CENPW: variants seen among roughly 807,000 people sequenced by gnomAD.
CENPW encodes cancer-up-regulated gene 2 protein.
CENPW carries 3 observed loss-of-function variants against 11.1 expected under a neutral mutation model. That is an observed-to-expected ratio of 0.27 (90% CI 0.12 to 0.70). The LOEUF is 0.70. CENPW is among the 30% of genes least tolerant of loss of function. CENPW has a pLI of 0.77. For missense variants in CENPW, 100 were observed against 105.6 expected, an observed-to-expected ratio of 0.95 and a Z score of 0.23; for synonymous variants, 38 against 42.0, an observed-to-expected ratio of 0.91 and a Z score of 0.37.
At chr6:126,438,803 T>C in the CENPW span, among the ~76,000 whole-genome samples, 1 of 151,820 alleles carries the variant, frequency 6.6e-6, no homozygotes, top group Non-Finnish European at 1.5e-5. Flanking sequence ...TAAAGATTCA[T>C]TGAAAATATT....
chr6:126,430,304 AC>A, the CENPW span, among the ~76,000 whole-genome samples: 5 of 152,178 alleles, frequency 3.3e-5, no homozygotes, highest in Admixed American at 6.5e-5. Flanking sequence ...TGGCTTTATA[AC>A]TCTCTTAAGT....
At chr6:126,412,657 C>T in the CENPW span, among the ~76,000 whole-genome samples, 6 of 152,144 alleles carry the variant, frequency 3.9e-5, no homozygotes, top group Admixed American at 3.9e-4. Flanking sequence ...TTTCTCTCCT[C>T]TCCTTCTGGT....
At chr6:126,428,512 C>G in the CENPW span, among the ~76,000 whole-genome samples, 1 of 152,114 alleles carries the variant, frequency 6.6e-6, no homozygotes, top group African/African-American at 2.4e-5. Context: ...GGTAACTTTG[C>G]ATAAAAGAGA....
the CENPW span, among the ~76,000 whole-genome samples, chr6:126,462,751 C>A: frequency 2.6e-5 from 4 of 151,904 alleles, no homozygotes; most frequent in Non-Finnish European, 5.9e-5. Flanking sequence ...GTAATATATA[C>A]AGGCATTGGT....
Position 126,348,403 on chromosome 6 carries a change from T to G in CENPW, c.241-63T>G, listed in dbSNP as rs897623671. ...GCACCCAGGACTATTTAACTTTTTG[T>G]TAAGGAATGATGTTTTATTTTTCAT... On this transcript the variant is annotated intron_variant, in intron 2 of 2. Transcript: ENST00000368328. 3.3e-5 allele frequency: 31 copies of G among 928,362 alleles called. No homozygotes were observed. The African/African-American group carries it at 4.5e-4, about 13-fold the overall frequency. 57.5% of individuals were successfully genotyped at this position (928,362 alleles called of 1,614,324 possible). A position where few individuals can be genotyped will look rare whatever the true frequency, so the allele number is the denominator to read the frequency against.
the CENPW span, among the ~76,000 whole-genome samples, chr6:126,456,001 G>A: frequency 6.0e-5 from 9 of 150,744 alleles, no homozygotes; most frequent in South Asian, 6.2e-4. Flanking sequence ...TATATCTAAC[G>A]AGGGGGGGCA....
chr6:126,465,503 T>A, the CENPW span, among the ~76,000 whole-genome samples: 1 of 152,126 alleles, frequency 6.6e-6, no homozygotes, highest in Non-Finnish European at 1.5e-5. Flanking sequence ...TGGCATTTTT[T>A]CGTGTTTAGA....
At chr6:126,382,464 A>G in the CENPW span, among the ~76,000 whole-genome samples, 2 of 152,170 alleles carry the variant, frequency 1.3e-5, no homozygotes, top group Admixed American at 6.5e-5. Context: ...AATGACAGAA[A>G]TAGAATTCAG....
At chr6:126,367,696 T>C in the CENPW span, among the ~76,000 whole-genome samples, 16 of 152,276 alleles carry the variant, frequency 1.1e-4, no homozygotes, top group Non-Finnish European at 1.9e-4. Flanking sequence ...TTCTTGAAGA[T>C]TATTCTAGTA....
the CENPW span, among the ~76,000 whole-genome samples, chr6:126,474,276 C>T: frequency 3.9e-5 from 6 of 151,936 alleles, no homozygotes; most frequent in African/African-American, 1.4e-4. Flanking sequence ...AGTTCTAGCC[C>T]AAACAGTAAA....
chr6:126,475,225 G>A, the CENPW span, among the ~76,000 whole-genome samples: 1 of 151,878 alleles, frequency 6.6e-6, no homozygotes, highest in Non-Finnish European at 1.5e-5. Context: ...ATTATTACCA[G>A]GGGATTTTAT....
intron 1 of CENPW, among the ~76,000 whole-genome samples, chr6:126,343,322 A>G (rs1357218200): frequency 6.6e-6 from 1 of 152,238 alleles, no homozygotes; most frequent in Admixed American, 6.5e-5. Flanking sequence ...GTTTTATGAC[A>G]TAAATGTAGG....
At chr6:126,433,697 A>G in the CENPW span, among the ~76,000 whole-genome samples, 1 of 152,164 alleles carries the variant, frequency 6.6e-6, no homozygotes. Flanking sequence ...AGTTTAAGAA[A>G]GTGCAATGTA....
the CENPW span, among the ~76,000 whole-genome samples, chr6:126,376,110 C>G: frequency 1.3e-5 from 2 of 152,018 alleles, no homozygotes; most frequent in South Asian, 4.2e-4. Flanking sequence ...TTTGGCTGTG[C>G]CTTATTCATT....
chr6:126,438,506 A>G, the CENPW span, among the ~76,000 whole-genome samples: 62 of 151,722 alleles, frequency 4.1e-4, no homozygotes, highest in Admixed American at 2.5e-3. Context: ...TTGTTTAACA[A>G]TTAGCAGCAG....
the CENPW span, among the ~76,000 whole-genome samples, chr6:126,445,728 C>T: frequency 6.6e-6 from 1 of 150,828 alleles, no homozygotes; most frequent in Non-Finnish European, 1.5e-5. Context: ...TAAAGAAAAA[C>T]ACATTAAAAT....
the CENPW span, among the ~76,000 whole-genome samples, chr6:126,390,980 G>A: frequency 9.9e-5 from 15 of 151,932 alleles, no homozygotes; most frequent in Admixed American, 9.2e-4. Context: ...TTCTTTGGGG[G>A]TATATACCTA....
intron 1 of CENPW, among the ~76,000 whole-genome samples, chr6:126,342,512 C>G (rs780340861): frequency 6.6e-6 from 1 of 152,070 alleles, no homozygotes; most frequent in Non-Finnish European, 1.5e-5. Context: ...TTTTCTGTCT[C>G]CCATTATCTT....
the CENPW span, among the ~76,000 whole-genome samples, chr6:126,388,469 T>C: frequency 2.6e-5 from 4 of 152,122 alleles, no homozygotes; most frequent in African/African-American, 9.6e-5. Context: ...ATATTGTTTT[T>C]GAAGTGGTTC....
Sources: gnomAD v4.1 joint callset for allele counts (sites outside exome capture counted in the v4.1 genomes callset) on GRCh38, gnomAD v4.1.1 for gene constraint, MANE v1.5 for transcripts, NCBI Gene and HGNC (gene_info 2026-07-23, HGNC 2026-07-21) for gene names.